The following UMODL1 variants were observed in gnomAD, a reference collection of about 807,000 sequenced individuals.
UMODL1 encodes uromodulin like 1, also known as uromodulin-like 1.
UMODL1 carries 128 observed loss-of-function variants against 136.3 expected under a neutral mutation model. The observed-to-expected ratio is 0.94, with a 90% CI of 0.81 to 1.09. UMODL1 has a LOEUF of 1.09. Among genes scored for constraint, UMODL1 ranks in the 50% least tolerant of loss-of-function variants. The pLI is 0.00. For missense variants in UMODL1, 1,766 were observed against 1,725.6 expected (o/e 1.02, Z -0.41); for synonymous variants, 721 against 720.0 (o/e 1.00, Z -0.02).
intron 21 of UMODL1, among the ~76,000 whole-genome samples, chr21:42,136,100 A>G (rs1268666736): frequency 6.6e-6 from 1 of 152,094 alleles, no homozygotes; most frequent in Non-Finnish European, 1.5e-5. Flanking sequence ...AATTATACCC[A>G]CACACGGTGG....
chr21:42,104,046 GCA>G lies in UMODL1; in HGVS notation c.1481_1482del (p.Thr494SerfsTer5). The G allele has an allele frequency of 6.2e-7, 1 of 1,613,888 alleles. No homozygotes were observed. Among genetic ancestry groups the G allele is most frequent in the Non-Finnish European group, 8.5e-7 (1 of 1,180,014 alleles). On this transcript the variant is annotated frameshift_variant, in exon 9 of 23. Coordinates refer to ENST00000408910, the MANE Select transcript of UMODL1 (RefSeq NM_001004416.3). LOFTEE classifies it high-confidence loss of function. Reference sequence around the variant, plus strand: ...CCCATACTCCAGCCCCTGTTGGCAAGCACAGTGTTCCAGATTGACCGGCAGGG... The same window carrying G: ...CCCATACTCCAGCCCCTGTTGGCAAGCAGTGTTCCAGATTGACCGGCAGGG...
In UMODL1 at chr21:42,129,764, C is replaced by A; in HGVS notation, c.3742C>A (p.Gln1248Lys). The change falls in exon 21 of 23, where the codon CAG becomes AAG. Residue 1248 changes from glutamine (Q) to lysine (K), a missense_variant. By Grantham distance (53) the Gln-to-Lys change is moderately conservative. Coordinates refer to ENST00000408910, the MANE Select transcript of UMODL1 (RefSeq NM_001004416.3). ...AAATAGTGAAACCTCTGCCACACAC[C>A]AGATGTCCTGGGGACCCCTCATCCG... The part of the protein sequence containing the change: ...LQNSETSATH[Q>K]MSWGPLIRSE... The A allele has an allele frequency of 6.3e-7, 1 of 1,593,886 alleles. No individual in the cohort carries two copies. Among genetic ancestry groups the A allele is most frequent in the South Asian group, 1.2e-5 (1 of 85,922 alleles).
At chr21:42,071,987 G>A (rs1469231791) in intron 1 of UMODL1, among the ~76,000 whole-genome samples, 2 of 151,976 alleles carry the variant, frequency 1.3e-5, no homozygotes, top group African/African-American at 2.4e-5. Flanking sequence ...GGTCCAGGCT[G>A]CAGTGAGCTA....
chr21:42,090,697 G>A (rs1443152257), intron 6 of UMODL1, among the ~76,000 whole-genome samples: 1 of 152,164 alleles, frequency 6.6e-6, no homozygotes, highest in East Asian at 1.9e-4. Context: ...CACTGAAAAT[G>A]TCAAATCCTA....
intron 9 of UMODL1, among the ~76,000 whole-genome samples, chr21:42,108,134 C>T (rs1303853814): frequency 6.6e-6 from 1 of 152,182 alleles, no homozygotes; most frequent in Non-Finnish European, 1.5e-5. Context: ...TCTGGGGGGA[C>T]GGAGGAGTGA....
In UMODL1 at chr21:42,135,135, G is replaced by T. The variant is rs1053050416; in HGVS notation, c.3776-2304G>T. Among the ~76,000 whole-genome samples the T allele has an allele frequency of 5.3e-5, 8 of 152,242 alleles. No homozygotes were observed. In the East Asian group the frequency reaches 9.7e-4, roughly 18 times the overall value. ...TTCAGCCGTCATTTAAATTTCCCCC[G>T]CATCGTGGACTGACATGTGGTCCAA... is the stretch of plus-strand genomic sequence containing the variant. On this transcript the variant is annotated intron_variant, in intron 21 of 22. Coordinates refer to ENST00000408910, the MANE Select transcript of UMODL1 (RefSeq NM_001004416.3).
rs2066966620 is a variant in UMODL1, at chr21:42,121,185, C to T, written c.2788C>T (p.Pro930Ser). ...CACTTGTAGCTGCGAGGGAGGAGCCCCCGACTTCCCTGTGGAATATTCTGA... is the reference window on the plus strand; with the variant it reads ...CACTTGTAGCTGCGAGGGAGGAGCCTCCGACTTCCCTGTGGAATATTCTGA... ...SFTCSCEGGA[P>S]DFPVEYSERP... Residue 930 changes from proline to serine, a missense_variant, in exon 16 of 23, where the codon CCC becomes TCC. Coordinates refer to ENST00000408910, the MANE Select transcript of UMODL1 (RefSeq NM_001004416.3). 1 of 1,613,994 alleles carries T rather than the reference C, an allele frequency of 6.2e-7. No homozygotes were observed. Among genetic ancestry groups the T allele is most frequent in the Non-Finnish European group, 8.5e-7 (1 of 1,179,960 alleles).
At chr21:42,127,637 T>C (rs987305855) in intron 19 of UMODL1, 35 bp from the exon 20 acceptor site, 4 of 1,597,842 alleles carry the variant, frequency 2.5e-6, no homozygotes, top group Admixed American at 3.5e-5. Context: ...CGGGGCTCGC[T>C]GACAAGCAAG....
chr21:42,088,602 G>A, intron 5 of UMODL1, 122 bp downstream of exon 5: 1 of 1,037,970 alleles, frequency 9.6e-7, no homozygotes, highest in Non-Finnish European at 1.4e-6. Flanking sequence ...TTAAGTTCAG[G>A]AGCAAAAGAA....
Position 42,084,181 on chromosome 21 carries a change from T to A in UMODL1, c.417T>A (p.Cys139Ter). The A allele has an allele frequency of 1.2e-6, 2 of 1,614,036 alleles. No individual in the cohort carries two copies. Among genetic ancestry groups the A allele is most frequent in the Non-Finnish European group, 1.7e-6 (2 of 1,180,038 alleles). Residue 139 changes from cysteine to a stop codon, truncating the protein, a stop_gained, in exon 3 of 23, where the codon TGT (cysteine) becomes TGA (stop). Transcript: ENST00000408910. LOFTEE classifies it high-confidence loss of function. ...STSPCSLDID[C>*]PGLEKCCPWS... The stretch of plus-strand genomic sequence containing the variant: ...CCCCCTGCAGCTTGGACATCGACTG[T>A]CCTGGACTTGAGAAGTGCTGCCCCT...
chr21:42,101,620 A>G (rs2066634502), intron 7 of UMODL1: 1 of 436,792 alleles, frequency 2.3e-6, no homozygotes. Context: ...CCCGTGTCCC[A>G]TCTTGAAGCT....
chr21:42,135,782 G>C (rs1392260485), intron 21 of UMODL1, among the ~76,000 whole-genome samples: 1 of 152,174 alleles, frequency 6.6e-6, no homozygotes, highest in Admixed American at 6.5e-5. Flanking sequence ...CTCTGGAGGA[G>C]GGATGGTGTG....
intron 17 of UMODL1, among the ~76,000 whole-genome samples, chr21:42,126,139 C>T (rs1419681622): frequency 6.6e-6 from 1 of 152,200 alleles, no homozygotes; most frequent in Non-Finnish European, 1.5e-5. Flanking sequence ...GTGCTGCCTC[C>T]TCTGGTCAAT....
intron 15 of UMODL1, chr21:42,120,504 A>T (rs566132974): frequency 6.6e-6 from 1 of 152,340 alleles, no homozygotes; most frequent in Admixed American, 6.5e-5. Context: ...TGCAATGATG[A>T]GAATAGCGGT....
intron 2 of UMODL1, among the ~76,000 whole-genome samples, chr21:42,077,131 GC>G (rs1188010839): frequency 6.0e-5 from 9 of 150,472 alleles, no homozygotes; most frequent in Non-Finnish European, 1.3e-4. Context: ...AGAAGGTCCT[GC>G]CTTGCACCCC....
upstream of UMODL1, among the ~76,000 whole-genome samples, chr21:42,070,988 TAAC>T (rs1447866832): frequency 2.0e-5 from 3 of 152,238 alleles, no homozygotes; most frequent in African/African-American, 7.2e-5. Context: ...GTTTTCTGCG[TAAC>T]AACGAGATGG....
chr21:42,063,756 G>A (rs547883496), intron 1 of UMODL1, among the ~76,000 whole-genome samples: 1 of 152,274 alleles, frequency 6.6e-6, no homozygotes, highest in African/African-American at 2.4e-5. Flanking sequence ...CCCCAGTGGC[G>A]GCTTTGCCTG....
intron 1 of UMODL1, 112 bp from the exon 2 acceptor site, chr21:42,075,893 A>G: frequency 1.3e-6 from 2 of 1,496,482 alleles, no homozygotes; most frequent in Non-Finnish European, 1.8e-6. Flanking sequence ...GGCCTGCGCG[A>G]GTGCGGGAGG....
intron 9 of UMODL1, among the ~76,000 whole-genome samples, chr21:42,104,417 CTTTTT>C (rs2066684688): frequency 6.9e-6 from 1 of 144,974 alleles, no homozygotes; most frequent in African/African-American, 2.5e-5. Context: ...TATTTCTTTT[CTTTTT>C]TTCTTTTCTT....
Sources: allele counts gnomAD v4.1 joint callset (sites outside exome capture counted in the v4.1 genomes callset), GRCh38; gene constraint gnomAD v4.1.1; transcripts MANE v1.5; gene names NCBI Gene and HGNC (gene_info 2026-07-23, HGNC 2026-07-21).